Variants in ADAMTS17 observed in about 807,000 individuals in gnomAD.
ADAMTS17 encodes A disintegrin and metalloproteinase with thrombospondin motifs 17.
ADAMTS17 carries 113 observed loss-of-function variants against 141.5 expected under a neutral mutation model. The ratio of observed to expected loss-of-function variants is 0.80; its 90% CI spans 0.69 to 0.93. ADAMTS17 has a LOEUF of 0.93. Among genes scored for constraint, ADAMTS17 ranks in the 40% least tolerant of loss-of-function variants. ADAMTS17 has a pLI of 0.00. For synonymous variants in ADAMTS17, 768 were observed against 630.6 expected, an observed-to-expected ratio of 1.22 and a Z score of -3.27; for missense variants, 1,659 against 1,517.9, an observed-to-expected ratio of 1.09 and a Z score of -1.54.
chr15:100,247,140 G>A (rs1208870157), intron 7 of ADAMTS17, among the ~76,000 whole-genome samples: 4 of 152,054 alleles, frequency 2.6e-5, no homozygotes, highest in Non-Finnish European at 5.9e-5. Flanking sequence ...ACCCACCTCG[G>A]CCTCCCAAAG....
chr15:100,133,339 T>C (rs369462215), intron 10 of ADAMTS17, 24 bp from the exon 11 acceptor site: 2 of 1,560,598 alleles, frequency 1.3e-6, no homozygotes, highest in Non-Finnish European at 1.7e-6. Context: ...GAAGGAACCA[T>C]AATTGTGGAG....
At chr15:100,145,082 A>T (rs1344036534) in intron 10 of ADAMTS17, among the ~76,000 whole-genome samples, 3 of 152,168 alleles carry the variant, frequency 2.0e-5, no homozygotes, top group Non-Finnish European at 4.4e-5. Flanking sequence ...TTTGTCTCAT[A>T]ATATACTTAA....
chr15:100,139,239 A>C (rs1248410326), intron 10 of ADAMTS17, among the ~76,000 whole-genome samples: 2 of 152,242 alleles, frequency 1.3e-5, no homozygotes, highest in Admixed American at 6.5e-5. Context: ...AAATCTAAAA[A>C]AATTATCAGG....
chr15:100,209,450 G>A (rs1371507276), intron 7 of ADAMTS17, among the ~76,000 whole-genome samples: 2 of 152,072 alleles, frequency 1.3e-5, no homozygotes, highest in East Asian at 1.9e-4. Context: ...CCCAAACATG[G>A]GAAGCCAGCC....
chr15:100,098,185 T>C (rs1437254609), intron 14 of ADAMTS17, among the ~76,000 whole-genome samples: 2 of 151,976 alleles, frequency 1.3e-5, no homozygotes, highest in Non-Finnish European at 2.9e-5. Context: ...TCAAGACACA[T>C]ATGGTAACTG....
intron 18 of ADAMTS17, among the ~76,000 whole-genome samples, chr15:100,031,464 A>G (rs2030157729): frequency 6.6e-6 from 1 of 152,184 alleles, no homozygotes; most frequent in African/African-American, 2.4e-5. Context: ...TGGGTAGGAC[A>G]CAGCATGGGT....
intron 3 of ADAMTS17, among the ~76,000 whole-genome samples, chr15:100,291,127 A>G (rs1220030249): frequency 2.0e-5 from 3 of 152,206 alleles, no homozygotes; most frequent in Non-Finnish European, 4.4e-5. Flanking sequence ...TAATATACAG[A>G]ATCTATAAGG....
chr15:100,181,647 T>C (rs1012996880), intron 8 of ADAMTS17, among the ~76,000 whole-genome samples: 5 of 152,264 alleles, frequency 3.3e-5, no homozygotes, highest in African/African-American at 1.2e-4. Flanking sequence ...CTTATGAACC[T>C]GGCTGGTGCC....
Position 100,341,843 on chromosome 15 carries a change from A to G in ADAMTS17, c.57T>C (p.Val19=). 5 of 1,552,868 alleles carry G rather than the reference A, an allele frequency of 3.2e-6. No homozygotes were observed. The highest frequency in any genetic ancestry group is 2.4e-5 in the East Asian group (1 of 41,078). Residue 19 remains valine, a synonymous_variant, in exon 1 of 22, where the codon GTT becomes GTC. Transcript: ENST00000268070. ...PLVLPVLLLL[V]WGLDPGTAVG... is the part of the protein sequence containing the mutation. ...TACCTGTGCCCGGGTCCAGTCCCCA[A>G]ACCAGCAGCAGCAGCACGGGCAGGA... is the stretch of plus-strand genomic sequence containing the variant.
chr15:100,105,445 G>A (rs1470355870), intron 14 of ADAMTS17, among the ~76,000 whole-genome samples: 1 of 152,152 alleles, frequency 6.6e-6, no homozygotes, highest in Non-Finnish European at 1.5e-5. Flanking sequence ...TCCTGGGGAT[G>A]GAGTGACATC....
chr15:100,244,331 G>C (rs2042921599), intron 7 of ADAMTS17, among the ~76,000 whole-genome samples: 1 of 149,038 alleles, frequency 6.7e-6, no homozygotes, highest in African/African-American at 2.5e-5. Context: ...CTCAACGACA[G>C]TGGTGGACAA....
At position 100,117,121 on chromosome 15, in the gene ADAMTS17, G is replaced by A. The variant is rs111578550; in HGVS notation, c.1722-108C>T. ...GAGGAGAGGAAGGGGGCAGGGCAAG[G>A]TTTCCAAAGCCACCCCCTCTCTGCT... is the stretch of plus-strand genomic sequence containing the variant. On this transcript the variant is annotated intron_variant, in intron 12 of 21. Coordinates refer to ENST00000268070, the MANE Select transcript of ADAMTS17 (RefSeq NM_139057.4). 0.016 allele frequency: 22,050 copies of A among 1,346,564 alleles called. 241 individuals are homozygous for A. Among genetic ancestry groups the A allele is most frequent in the South Asian group, 0.019 (1,525 of 79,424 alleles). 83.4% of individuals were successfully genotyped at this position (1,346,564 alleles called of 1,614,324 possible).
chr15:100,255,407 G>T (rs2043291050), intron 6 of ADAMTS17, among the ~76,000 whole-genome samples: 1 of 152,152 alleles, frequency 6.6e-6, no homozygotes, highest in Admixed American at 6.6e-5. Flanking sequence ...TCAGGGAAAT[G>T]GAGAAGGAAT....
intron 9 of ADAMTS17, among the ~76,000 whole-genome samples, chr15:100,153,252 C>G (rs113546520): frequency 2.0e-4 from 30 of 152,194 alleles, no homozygotes; most frequent in Non-Finnish European, 2.9e-4. Context: ...CTTGACCACG[C>G]TATCCCTGAA....
intron 18 of ADAMTS17, among the ~76,000 whole-genome samples, chr15:100,025,383 A>G (rs957180556): frequency 2.0e-5 from 3 of 148,824 alleles, no homozygotes; most frequent in African/African-American, 7.4e-5. Flanking sequence ...TTGTGAGCCA[A>G]TTTGACAATC....
chr15:100,326,686 C>G (rs927267477), intron 3 of ADAMTS17, among the ~76,000 whole-genome samples: 4 of 152,174 alleles, frequency 2.6e-5, no homozygotes, highest in African/African-American at 9.7e-5. Context: ...GGCACCTACG[C>G]TCTTTATGGG....
At chr15:100,278,856 G>A (rs1309226006) in intron 4 of ADAMTS17, among the ~76,000 whole-genome samples, 2 of 152,150 alleles carry the variant, frequency 1.3e-5, no homozygotes, top group African/African-American at 4.8e-5. Flanking sequence ...TCATAGCTCT[G>A]CCAGTGACTT....
chr15:100,262,406 C>T lies in ADAMTS17; in HGVS notation c.819G>A (p.Leu273=). The change falls in exon 5 of 22, where the codon CTG becomes CTA. Residue 273 remains leucine, a synonymous_variant. Coordinates refer to ENST00000268070, the MANE Select transcript of ADAMTS17 (RefSeq NM_139057.4). ...MVYNMFQHQS[L]GIKINIQVTK... ...TCACTTGAATGTTAATTTTAATCCCCAGGCTCTGGTGCTGAAACATATTGT... is the reference window on the plus strand; with the variant it reads ...TCACTTGAATGTTAATTTTAATCCCTAGGCTCTGGTGCTGAAACATATTGT... The T allele has an allele frequency of 1.2e-6, 2 of 1,613,848 alleles. No homozygotes were observed. The highest frequency in any genetic ancestry group is 8.5e-7 in the Non-Finnish European group (1 of 1,179,912).
intron 8 of ADAMTS17, among the ~76,000 whole-genome samples, chr15:100,184,818 G>A (rs2040649762): frequency 6.6e-6 from 1 of 151,934 alleles, no homozygotes; most frequent in African/African-American, 2.4e-5. Context: ...TCTTCTGGGG[G>A]CCCTTCCAGA....
Sources: allele counts gnomAD v4.1 joint callset (sites outside exome capture counted in the v4.1 genomes callset), GRCh38; gene constraint gnomAD v4.1.1; transcripts MANE v1.5; gene names NCBI Gene and HGNC (gene_info 2026-07-23, HGNC 2026-07-21).